The following BBX variants were observed in gnomAD, a reference collection of about 807,000 sequenced individuals.
BBX encodes the protein BBX high mobility group box domain containing.
A neutral mutation model predicts 100.2 loss-of-function variants in BBX; 30 were observed. That is an observed-to-expected ratio of 0.30 (90% confidence interval 0.22 to 0.41). The LOEUF is 0.41. Ranked by LOEUF, BBX falls within the 10% of genes least tolerant of loss-of-function variation. The pLI, the probability that BBX is intolerant of heterozygous loss-of-function variation, is 1.00. For missense variants in BBX, 1,023 were observed against 1,129.8 expected (o/e 0.91, Z 1.35); for synonymous variants, 376 against 388.1 (o/e 0.97, Z 0.37).
At chr3:107,567,119 A>G (rs1206463676) in intron 2 of BBX, among the ~76,000 whole-genome samples, 1 of 152,114 alleles carries the variant, frequency 6.6e-6, no homozygotes, top group Non-Finnish European at 1.5e-5. Flanking sequence ...TATTTAGGTT[A>G]GTGAGTATGA....
chr3:107,660,697 A>G (rs2058402661), intron 3 of BBX, among the ~76,000 whole-genome samples: 2 of 152,102 alleles, frequency 1.3e-5, no homozygotes, highest in Non-Finnish European at 2.9e-5. Context: ...TTGCTGTAAA[A>G]TCCAATAACA....
chr3:107,564,108 T>C (rs1472221769), intron 2 of BBX, among the ~76,000 whole-genome samples: 1 of 152,206 alleles, frequency 6.6e-6, no homozygotes, highest in Non-Finnish European at 1.5e-5. Context: ...AGTATCTTGT[T>C]TTAATTTGAA....
chr3:107,633,491 G>C (rs2056670514), intron 2 of BBX, among the ~76,000 whole-genome samples: 1 of 152,242 alleles, frequency 6.6e-6, no homozygotes, highest in African/African-American at 2.4e-5. Context: ...ATTTGGCGCA[G>C]ATCAAAGGGA....
At chr3:107,697,058 T>C (rs1232881715) in intron 3 of BBX, among the ~76,000 whole-genome samples, 1 of 151,832 alleles carries the variant, frequency 6.6e-6, no homozygotes, top group Admixed American at 6.5e-5. Flanking sequence ...TCAGCTCCTT[T>C]AAGCACTTCT....
chr3:107,723,475 T>C (rs2107454938), intron 5 of BBX, among the ~76,000 whole-genome samples: 1 of 152,236 alleles, frequency 6.6e-6, no homozygotes, highest in East Asian at 1.9e-4. Flanking sequence ...GTTTGTTACA[T>C]ATGTATACAT....
chr3:107,801,840 C>T (rs962588268), intron 17 of BBX, among the ~76,000 whole-genome samples: 3 of 152,108 alleles, frequency 2.0e-5, no homozygotes, highest in African/African-American at 7.2e-5. Context: ...GCATCTGACT[C>T]ATGGCAGCCA....
At chr3:107,804,951 A>G (rs2070936878) in intron 17 of BBX, among the ~76,000 whole-genome samples, 1 of 152,134 alleles carries the variant, frequency 6.6e-6, no homozygotes, top group Non-Finnish European at 1.5e-5. Flanking sequence ...GGAATGTGTC[A>G]TTTTTAATAC....
intron 10 of BBX, among the ~76,000 whole-genome samples, chr3:107,762,540 C>G (rs927670696): frequency 1.2e-4 from 18 of 152,282 alleles, no homozygotes; most frequent in African/African-American, 4.3e-4. Flanking sequence ...AAATGCACAT[C>G]CTGAAAAACA....
chr3:107,744,086 G>A (rs938340944), intron 7 of BBX, among the ~76,000 whole-genome samples: 2 of 151,966 alleles, frequency 1.3e-5, no homozygotes. Flanking sequence ...GGAAAAGTGG[G>A]AAGGAATCAC....
chr3:107,636,333 G>A (rs953793972), intron 2 of BBX, among the ~76,000 whole-genome samples: 2 of 152,144 alleles, frequency 1.3e-5, no homozygotes, highest in African/African-American at 4.8e-5. Context: ...CCTTTACCAA[G>A]GAATGGAGGT....
chr3:107,556,060 C>T (rs2050074632), intron 2 of BBX, among the ~76,000 whole-genome samples: 1 of 152,204 alleles, frequency 6.6e-6, no homozygotes, highest in South Asian at 2.1e-4. Context: ...AAGCCATGTT[C>T]TTCCACACCA....
chr3:107,685,848 TTCTTTCCTTTG>T (rs2059817892), intron 3 of BBX, among the ~76,000 whole-genome samples: 4 of 152,226 alleles, frequency 2.6e-5, no homozygotes, highest in Non-Finnish European at 4.4e-5. Context: ...CTTTGTGATA[TTCTTTCCTTTG>T]AGAATAGCAA....
At chr3:107,544,256 T>G (rs2049055229) in intron 2 of BBX, among the ~76,000 whole-genome samples, 1 of 152,196 alleles carries the variant, frequency 6.6e-6, no homozygotes, top group South Asian at 2.1e-4. Context: ...GTTACCTCTT[T>G]TTGTGATACT....
chr3:107,785,173 CT>C (rs1436681291), intron 13 of BBX, among the ~76,000 whole-genome samples: 3 of 147,896 alleles, frequency 2.0e-5, no homozygotes, highest in African/African-American at 5.0e-5. Context: ...TTTAAAGTAT[CT>C]GGGGGAAAAA....
intron 2 of BBX, among the ~76,000 whole-genome samples, chr3:107,636,682 C>T (rs1004587090): frequency 2.0e-5 from 3 of 152,146 alleles, no homozygotes; most frequent in Non-Finnish European, 4.4e-5. Context: ...GAATTAGTGA[C>T]AAAGGATAAC....
At chr3:107,530,127 C>T (rs113491853) in intron 2 of BBX, among the ~76,000 whole-genome samples, 7,326 of 152,222 alleles carry the variant, frequency 0.048, 564 homozygotes, top group African/African-American at 0.16. Context: ...TTTGGTGGCT[C>T]ACACCTGTAA....
intron 2 of BBX, chr3:107,638,606 A>G (rs2056988356): frequency 6.6e-6 from 1 of 151,968 alleles, no homozygotes; most frequent in Admixed American, 6.6e-5. Context: ...TCTGGACAGT[A>G]CAGTTTTTTG....
intron 17 of BBX, among the ~76,000 whole-genome samples, chr3:107,804,020 AAGT>A (rs1340413169): frequency 6.6e-6 from 1 of 151,964 alleles, no homozygotes; most frequent in Non-Finnish European, 1.5e-5. Flanking sequence ...TAAAAGTAAA[AAGT>A]AGCATTTTAA....
intron 13 of BBX, among the ~76,000 whole-genome samples, chr3:107,785,743 G>A (rs906013379): frequency 3.6e-4 from 54 of 151,944 alleles, no homozygotes; most frequent in Non-Finnish European, 6.9e-4. Context: ...GTAAAATACT[G>A]GATGCTTTCC....
Sources: gnomAD v4.1 joint callset for allele counts (sites outside exome capture counted in the v4.1 genomes callset) on GRCh38, gnomAD v4.1.1 for gene constraint, MANE v1.5 for transcripts, NCBI Gene and HGNC (gene_info 2026-07-23, HGNC 2026-07-21) for gene names.